SPOCK1: variants seen among roughly 807,000 people sequenced by gnomAD.
The protein encoded by SPOCK1 is testican-1.
A neutral mutation model predicts 55.3 loss-of-function variants in SPOCK1; 23 were observed. That is an observed-to-expected ratio of 0.42 (90% CI 0.30 to 0.59). The LOEUF is 0.59. SPOCK1 is among the 20% of genes least tolerant of loss of function. SPOCK1 has a pLI of 0.22. For synonymous variants in SPOCK1, 226 were observed against 221.0 expected (o/e 1.02, Z -0.20); for missense variants, 499 against 552.5 (o/e 0.90, Z 0.97).
chr5:136,978,361 C>T lies in SPOCK1; in HGVS notation c.*293G>A. Reference sequence around the variant, plus strand: ...CACTGTCAGAATTCCACGTAAATCACATGCTTGTTGGAAAAATCTCACAGA... The same window carrying T: ...CACTGTCAGAATTCCACGTAAATCATATGCTTGTTGGAAAAATCTCACAGA... On this transcript the variant is annotated 3_prime_UTR_variant, in exon 11 of 11. Transcript: ENST00000394945. 2.7e-6 allele frequency: 1 copy of T among 370,914 alleles called. No homozygotes were observed. Among genetic ancestry groups the T allele is most frequent in the Non-Finnish European group, 4.8e-6 (1 of 208,896 alleles). 23.0% of individuals were successfully genotyped at this position (370,914 alleles called of 1,614,324 possible). A position where few individuals can be genotyped will look rare whatever the true frequency, so the allele number is the denominator to read the frequency against.
chr5:137,119,200 A>G (rs1252871135), intron 4 of SPOCK1, among the ~76,000 whole-genome samples: 2 of 152,230 alleles, frequency 1.3e-5, no homozygotes. Context: ...CCTGGCACAG[A>G]AGGATTACAT....
intron 5 of SPOCK1, among the ~76,000 whole-genome samples, chr5:137,104,148 G>A (rs1753320211): frequency 6.6e-6 from 1 of 152,210 alleles, no homozygotes; most frequent in South Asian, 2.1e-4. Flanking sequence ...GGGGCTGGTG[G>A]GAGGTAATTG....
At chr5:137,164,587 G>A (rs554087033) in intron 3 of SPOCK1, among the ~76,000 whole-genome samples, 1 of 152,288 alleles carries the variant, frequency 6.6e-6, no homozygotes, top group East Asian at 1.9e-4. Context: ...CTTGGCCACA[G>A]TGAGATAGAG....
Position 137,498,496 on chromosome 5 carries a change from G to A in SPOCK1, c.63C>T (p.Ser21=). The part of the protein sequence containing the change: ...AAAWCFLQVE[S]RHLDALAGGA... ...CTCCGGCGAGCGCGTCCAGGTGCCGGCTCTCGACTTGGAGGAAGCACCACG... is the reference window on the plus strand; with the variant it reads ...CTCCGGCGAGCGCGTCCAGGTGCCGACTCTCGACTTGGAGGAAGCACCACG... The change falls in exon 2 of 11, where the codon AGC becomes AGT. Residue 21 remains serine (S), a synonymous_variant. Transcript: ENST00000394945. 1.3e-6 allele frequency: 2 copies of A among 1,587,502 alleles called. No homozygotes were observed. The highest frequency in any genetic ancestry group is 1.3e-5 in the African/African-American group (1 of 74,472).
chr5:137,327,490 C>G (rs2127149811), intron 2 of SPOCK1, among the ~76,000 whole-genome samples: 1 of 152,318 alleles, frequency 6.6e-6, no homozygotes, highest in African/African-American at 2.4e-5. Flanking sequence ...ACAACTATAT[C>G]TATTTTGCCA....
At chr5:137,188,050 G>A (rs1313358735) in intron 3 of SPOCK1, among the ~76,000 whole-genome samples, 1 of 152,148 alleles carries the variant, frequency 6.6e-6, no homozygotes. Flanking sequence ...GCAGTGTAGA[G>A]AAGAGGAGTT....
chr5:137,433,210 C>T (rs62374221), intron 2 of SPOCK1, among the ~76,000 whole-genome samples: 5 of 152,178 alleles, frequency 3.3e-5, no homozygotes, highest in Admixed American at 1.3e-4. Flanking sequence ...AAACCAGAAC[C>T]TTTATTGCTG....
chr5:137,002,582 T>G (rs1475344914), intron 6 of SPOCK1, among the ~76,000 whole-genome samples: 1 of 152,170 alleles, frequency 6.6e-6, no homozygotes, highest in Non-Finnish European at 1.5e-5. Context: ...TTTCCCTACA[T>G]GGGAGACTTG....
At chr5:137,299,015 C>T (rs938686451) in intron 2 of SPOCK1, among the ~76,000 whole-genome samples, 1 of 152,114 alleles carries the variant, frequency 6.6e-6, no homozygotes, top group Non-Finnish European at 1.5e-5. Context: ...TCAGGTCTGA[C>T]ATATTCCTAT....
chr5:137,473,025 A>G (rs182487418), intron 2 of SPOCK1, among the ~76,000 whole-genome samples: 165 of 152,344 alleles, frequency 1.1e-3, no homozygotes, highest in African/African-American at 3.5e-3. Context: ...AAAATGGTTC[A>G]GCCCCATGGA....
intron 9 of SPOCK1, 139 bp from the exon 10 acceptor site, chr5:136,979,608 T>C: frequency 8.8e-7 from 1 of 1,137,462 alleles, no homozygotes; most frequent in Admixed American, 2.7e-5. Flanking sequence ...GATGGTTGGC[T>C]ATTAGTCAAA....
chr5:137,245,787 C>CAA (rs33935068), intron 3 of SPOCK1, among the ~76,000 whole-genome samples: 35 of 111,592 alleles, frequency 3.1e-4, no homozygotes, highest in African/African-American at 6.9e-4. Context: ...AAAAAAAAAA[C>CAA]AAAAAAAAAA....
At chr5:137,249,815 G>T (rs900102247) in intron 3 of SPOCK1, among the ~76,000 whole-genome samples, 1 of 152,014 alleles carries the variant, frequency 6.6e-6, no homozygotes, top group African/African-American at 2.4e-5. Context: ...TGAAAAATTT[G>T]ACAATCTTCA....
intron 6 of SPOCK1, among the ~76,000 whole-genome samples, chr5:137,061,208 C>G (rs935222591): frequency 1.3e-5 from 2 of 152,204 alleles, no homozygotes. Context: ...AGATAAATCT[C>G]TATTTTTCTA....
Position 137,073,813 on chromosome 5 carries a change from A to C in SPOCK1, c.475-5984T>G, listed in dbSNP as rs189569454. 7.9e-4 allele frequency among the ~76,000 whole-genome samples: 120 copies of C among 152,338 alleles called. 1 individual carries two copies. The highest frequency in any genetic ancestry group is 2.7e-3 in the African/African-American group (113 of 41,590). On this transcript the variant is annotated intron_variant, in intron 5 of 10. Transcript: ENST00000394945. ...AATATTTGCTAAAAATTTTGGGTGAAAGTTATTAGAGAATGAAACATTCAC... is the reference window on the plus strand; with the variant it reads ...AATATTTGCTAAAAATTTTGGGTGACAGTTATTAGAGAATGAAACATTCAC...
chr5:137,199,341 A>G (rs1755365649), intron 3 of SPOCK1, among the ~76,000 whole-genome samples: 1 of 152,254 alleles, frequency 6.6e-6, no homozygotes, highest in African/African-American at 2.4e-5. Context: ...CCTTCACCTC[A>G]TGGATTCCCA....
In SPOCK1 at chr5:137,299,108, C is replaced by T. The variant is rs180730103; in HGVS notation, c.187-32053G>A. ...ATATTTTTAGCATACCATTTTAATT[C>T]TTATACTGTCTATTTTGGCTACATC... On this transcript the variant is annotated intron_variant, in intron 2 of 10. Coordinates refer to ENST00000394945, the MANE Select transcript of SPOCK1 (RefSeq NM_004598.4). 4.3e-3 allele frequency among the ~76,000 whole-genome samples: 647 copies of T among 152,106 alleles called. 3 individuals are homozygous for T. The highest frequency in any genetic ancestry group is 0.015 in the African/African-American group (625 of 41,538).
chr5:137,269,372 A>G (rs1452093697), intron 2 of SPOCK1, among the ~76,000 whole-genome samples: 4 of 152,192 alleles, frequency 2.6e-5, no homozygotes, highest in Non-Finnish European at 5.9e-5. Flanking sequence ...AATGAGCCAG[A>G]GCTGATAAAC....
chr5:137,388,616 C>T (rs909357158), intron 2 of SPOCK1, among the ~76,000 whole-genome samples: 1 of 152,034 alleles, frequency 6.6e-6, no homozygotes, highest in Non-Finnish European at 1.5e-5. Context: ...CCAGAGGCAC[C>T]CCTCCAGTTC....
Sources: gnomAD v4.1 joint callset for allele counts (sites outside exome capture counted in the v4.1 genomes callset) on GRCh38, gnomAD v4.1.1 for gene constraint, MANE v1.5 for transcripts, NCBI Gene and HGNC (gene_info 2026-07-23, HGNC 2026-07-21) for gene names.